ZMYM2: variants seen among roughly 807,000 people sequenced by gnomAD.
ZMYM2 encodes the protein zinc finger MYM-type protein 2.
Under a neutral mutation model 162.8 loss-of-function variants are expected in ZMYM2, and 56 were observed. That is an observed-to-expected ratio of 0.34 (90% CI 0.28 to 0.43). The LOEUF is 0.43. Among genes scored for constraint, ZMYM2 ranks in the 20% least tolerant of loss-of-function variants. ZMYM2 has a pLI of 1.00. For missense variants in ZMYM2, 1,275 were observed against 1,621.8 expected (o/e 0.79, Z 3.67); for synonymous variants, 510 against 541.6 (o/e 0.94, Z 0.81).
intron 6 of ZMYM2, among the ~76,000 whole-genome samples, chr13:20,015,743 G>A (rs1951567868): frequency 1.3e-5 from 2 of 152,008 alleles, no homozygotes; most frequent in African/African-American, 4.8e-5. Context: ...TCTGTCTCTT[G>A]TGTCAGTTTT....
chr13:20,007,065 A>C (rs745356261), intron 6 of ZMYM2, among the ~76,000 whole-genome samples: 4 of 152,208 alleles, frequency 2.6e-5, no homozygotes, highest in Middle Eastern at 3.2e-3. Flanking sequence ...AGGGGCTGCA[A>C]ATATTTCAAA....
the ZMYM2 span, among the ~76,000 whole-genome samples, chr13:19,924,890 T>TG: frequency 6.6e-6 from 1 of 151,720 alleles, no homozygotes; most frequent in African/African-American, 2.4e-5. Context: ...TTTTTTTTTT[T>TG]TTTTTGTTTT....
intron 13 of ZMYM2, 138 bp downstream of exon 13, chr13:20,051,736 C>A (rs73154125): frequency 0.013 from 11,017 of 836,640 alleles, 104 homozygotes; most frequent in Non-Finnish European, 0.015. Context: ...TTCTCTGGGT[C>A]GAAGTACCCT....
chr13:20,048,670 G>T (rs1955037872), intron 12 of ZMYM2, among the ~76,000 whole-genome samples: 1 of 151,934 alleles, frequency 6.6e-6, no homozygotes, highest in Non-Finnish European at 1.5e-5. Flanking sequence ...AAAGGGACTG[G>T]GTCAGGATAG....
At chr13:19,884,709 C>T in the ZMYM2 span, among the ~76,000 whole-genome samples, 1 of 152,118 alleles carries the variant, frequency 6.6e-6, no homozygotes, top group African/African-American at 2.4e-5. Context: ...GCGGCGGATT[C>T]CTGGTCCAGA....
chr13:19,873,471 C>T, the ZMYM2 span, among the ~76,000 whole-genome samples: 5 of 151,730 alleles, frequency 3.3e-5, no homozygotes, highest in Middle Eastern at 0.014. Flanking sequence ...TGCAGTGGCG[C>T]GATCTTGGCT....
At chr13:19,871,243 TAA>T in the ZMYM2 span, among the ~76,000 whole-genome samples, 3 of 151,748 alleles carry the variant, frequency 2.0e-5, no homozygotes, top group Non-Finnish European at 4.4e-5. Context: ...ACACAGAAAG[TAA>T]AGAGATAAAA....
At chr13:20,026,848 G>A in intron 8 of ZMYM2, 86 bp downstream of exon 8, 1 of 1,339,414 alleles carries the variant, frequency 7.5e-7, no homozygotes. Flanking sequence ...TTTTATGCTT[G>A]TTTTTAACAG....
At chr13:20,059,263 A>G (rs989369886) in intron 15 of ZMYM2, among the ~76,000 whole-genome samples, 184 bp from the exon 16 acceptor site, 4 of 151,918 alleles carry the variant, frequency 2.6e-5, no homozygotes, top group African/African-American at 9.7e-5. Context: ...TCTGTAAGTT[A>G]GAACAGCTGC....
the ZMYM2 span, among the ~76,000 whole-genome samples, chr13:19,879,271 T>C: frequency 6.6e-6 from 1 of 152,170 alleles, no homozygotes. Context: ...AATGGTATAG[T>C]ACTCTTGTTG....
At chr13:20,004,473 T>G (rs1950601361) in intron 4 of ZMYM2, among the ~76,000 whole-genome samples, 1 of 152,120 alleles carries the variant, frequency 6.6e-6, no homozygotes. Flanking sequence ...GCCAGGATGG[T>G]CTCGATCTCC....
chr13:19,922,589 A>G, the ZMYM2 span, among the ~76,000 whole-genome samples: 1 of 152,206 alleles, frequency 6.6e-6, no homozygotes. Flanking sequence ...TCACGCCTGT[A>G]ATCCCAGCAC....
At chr13:19,971,108 A>G (rs1029548263) in intron 2 of ZMYM2, among the ~76,000 whole-genome samples, 1 of 151,840 alleles carries the variant, frequency 6.6e-6, no homozygotes, top group African/African-American at 2.4e-5. Flanking sequence ...GGTAGGGATC[A>G]AAGCAGACGG....
At chr13:20,007,548 C>A (rs1177874101) in intron 6 of ZMYM2, among the ~76,000 whole-genome samples, 1 of 151,282 alleles carries the variant, frequency 6.6e-6, no homozygotes, top group Non-Finnish European at 1.5e-5. Context: ...AATGTTTTAT[C>A]AGAAATTATT....
chr13:19,987,383 C>T (rs940097178), intron 2 of ZMYM2, among the ~76,000 whole-genome samples: 22 of 151,878 alleles, frequency 1.4e-4, no homozygotes, highest in African/African-American at 4.4e-4. Flanking sequence ...CCTGCCTCAG[C>T]CTCCCGAGTA....
chr13:19,980,416 A>G (rs1193962669), intron 2 of ZMYM2, among the ~76,000 whole-genome samples: 1 of 151,756 alleles, frequency 6.6e-6, no homozygotes, highest in Non-Finnish European at 1.5e-5. Flanking sequence ...TTGTAGCTTC[A>G]TAATATGCCA....
chr13:20,014,668 C>G (rs187737556), intron 6 of ZMYM2, among the ~76,000 whole-genome samples: 3 of 148,368 alleles, frequency 2.0e-5, no homozygotes, highest in Admixed American at 2.0e-4. Flanking sequence ...TTTTCCTGCT[C>G]TAATCTTTAT....
chr13:20,027,350 C>T, intron 9 of ZMYM2, 32 bp downstream of exon 9: 2 of 1,438,928 alleles, frequency 1.4e-6, no homozygotes, highest in Non-Finnish European at 1.9e-6. Context: ...ACCCATGCCC[C>T]CAATAAAATA....
intron 7 of ZMYM2, chr13:20,024,873 G>A (rs1385389906): frequency 4.6e-6 from 1 of 215,658 alleles, no homozygotes; most frequent in Non-Finnish European, 9.3e-6. Context: ...GAAAAGCAAA[G>A]TTGAGGGCTT....
Sources: gnomAD v4.1 joint callset for allele counts (sites outside exome capture counted in the v4.1 genomes callset) on GRCh38, gnomAD v4.1.1 for gene constraint, MANE v1.5 for transcripts, NCBI Gene and HGNC (gene_info 2026-07-23, HGNC 2026-07-21) for gene names.